DMD: variants seen among roughly 807,000 people sequenced by gnomAD.
DMD encodes mutant dystrophin.
A neutral mutation model predicts 330.1 loss-of-function variants in DMD; 63 were observed. The observed-to-expected ratio is 0.19, with a 90% CI of 0.16 to 0.24. The LOEUF (loss-of-function observed/expected upper bound fraction) is 0.24. Among genes scored for constraint, DMD ranks in the 10% least tolerant of loss-of-function variants. The pLI is 1.00. For synonymous variants in DMD, 1,223 were observed against 959.8 expected (o/e 1.27, Z -5.07); for missense variants, 3,344 against 2,684.1 (o/e 1.25, Z -5.43).
At chrX:31,773,829 T>A (rs2090494813) in intron 51 of DMD, 131 bp downstream of exon 51, 2 of 527,900 alleles carry the variant, frequency 3.8e-6, no homozygotes, top group Non-Finnish European at 6.5e-6. Flanking sequence ...ATAGTGAGAG[T>A]AATGTGTTTG....
intron 1 of DMD, among the ~76,000 whole-genome samples, chrX:33,138,307 G>A (rs889974587): frequency 1.8e-5 from 2 of 110,954 alleles, no homozygotes; most frequent in Non-Finnish European, 3.8e-5. Flanking sequence ...TTACCTATTC[G>A]ACAGGAAGAA....
intron 51 of DMD, among the ~76,000 whole-genome samples, chrX:31,754,995 C>T (rs988133596): frequency 1.8e-5 from 2 of 111,721 alleles, no homozygotes; most frequent in Non-Finnish European, 3.8e-5. Context: ...TTATTAATTA[C>T]ATATGTTTTT....
intron 17 of DMD, among the ~76,000 whole-genome samples, chrX:32,544,876 T>C (rs1179277965): frequency 9.0e-6 from 1 of 110,714 alleles, no homozygotes; most frequent in Non-Finnish European, 1.9e-5. Flanking sequence ...AAGAAACTTT[T>C]AGGATTAAAA....
intron 55 of DMD, among the ~76,000 whole-genome samples, chrX:31,589,912 CAAAT>C (rs1196723129): frequency 9.0e-6 from 1 of 110,782 alleles, no homozygotes; most frequent in Non-Finnish European, 1.9e-5. Flanking sequence ...ATAAATAAAA[CAAAT>C]AAACTCAATG....
At chrX:31,747,673 T>C (rs1390976715) in intron 51 of DMD, among the ~76,000 whole-genome samples, 3 of 111,533 alleles carry the variant, frequency 2.7e-5, no homozygotes, top group African/African-American at 9.8e-5. Flanking sequence ...GGAAACTTTA[T>C]GTACTGTTTG....
intron 26 of DMD, among the ~76,000 whole-genome samples, chrX:32,451,029 G>A (rs1189981406): frequency 1.8e-5 from 2 of 110,826 alleles, no homozygotes; most frequent in Non-Finnish European, 3.8e-5. Flanking sequence ...TCATAAAAAC[G>A]GTGGCTCTTG....
In DMD at chrX:32,558,938, C is replaced by CTTTTTTTTTTTTTTTT. The variant is rs60739281; in HGVS notation, c.1992+6748_1992+6763dup. On this transcript the variant is annotated intron_variant, in intron 16 of 78. Transcript: ENST00000357033. ...TATTTGAGATGTAACTTCAAATTTT[C>CTTTTTTTTTTTTTTTT]TTTTTTTTTTTTTTTTTTTTTTTTT... Among the ~76,000 whole-genome samples the CTTTTTTTTTTTTTTTT allele has an allele frequency of 2.6e-4, 13 of 50,826 alleles. 1 individual carries two copies. The highest frequency in any genetic ancestry group is 1.1e-3 in the African/African-American group (11 of 9,732). 44.1% of individuals were successfully genotyped at this position (50,826 alleles called of 115,157 possible).
At chrX:33,149,848 A>T (rs1429111342) in intron 1 of DMD, among the ~76,000 whole-genome samples, 1 of 111,611 alleles carries the variant, frequency 9.0e-6, no homozygotes, top group African/African-American at 3.3e-5. Context: ...CAGTTGACCC[A>T]CGCTCAAATT....
chrX:32,725,001 T>G (rs913339826), intron 7 of DMD, among the ~76,000 whole-genome samples: 3 of 111,675 alleles, frequency 2.7e-5, no homozygotes, highest in Non-Finnish European at 3.8e-5. Context: ...TAACACAGCC[T>G]CAAGTACAAC....
At chrX:32,007,226 A>C (rs2095668889) in intron 44 of DMD, among the ~76,000 whole-genome samples, 1 of 103,640 alleles carries the variant, frequency 9.6e-6, no homozygotes, top group Non-Finnish European at 2.0e-5. Context: ...TAATAATAAT[A>C]ATAATAATAA....
At chrX:31,482,535 G>C (rs915565558) in intron 57 of DMD, among the ~76,000 whole-genome samples, 1 of 110,384 alleles carries the variant, frequency 9.1e-6, no homozygotes, top group Non-Finnish European at 1.9e-5. Flanking sequence ...GAGAGGAAGA[G>C]GGTGACCAAG....
intron 59 of DMD, among the ~76,000 whole-genome samples, chrX:31,447,399 C>T (rs2065365831): frequency 1.9e-5 from 2 of 107,939 alleles, no homozygotes; most frequent in Non-Finnish European, 3.8e-5. Flanking sequence ...GGGAACCTCT[C>T]ACAGCCTCAA....
chrX:32,824,304 T>C (rs1405255131), intron 4 of DMD, among the ~76,000 whole-genome samples: 1 of 111,864 alleles, frequency 8.9e-6, no homozygotes, highest in Non-Finnish European at 1.9e-5. Flanking sequence ...AACCTGCACC[T>C]AAGTGTTCAT....
intron 21 of DMD, among the ~76,000 whole-genome samples, chrX:32,483,361 A>G (rs2042108633): frequency 9.4e-6 from 1 of 106,053 alleles, no homozygotes. Context: ...GAAAGATGAT[A>G]GGGATGGATG....
intron 1 of DMD, among the ~76,000 whole-genome samples, chrX:33,241,461 A>T (rs775003854): frequency 9.0e-6 from 1 of 111,101 alleles, no homozygotes; most frequent in Non-Finnish European, 1.9e-5. Flanking sequence ...ATAGCTTTGT[A>T]GTATATTTTG....
At chrX:32,447,881 C>T (rs1052205144) in intron 27 of DMD, among the ~76,000 whole-genome samples, 2 of 110,869 alleles carry the variant, frequency 1.8e-5, no homozygotes, top group African/African-American at 6.5e-5. Flanking sequence ...GACAGTAAGG[C>T]CCATCCATAA....
intron 44 of DMD, among the ~76,000 whole-genome samples, chrX:32,112,797 C>T (rs995017973): frequency 9.0e-6 from 1 of 111,475 alleles, no homozygotes; most frequent in African/African-American, 3.3e-5. Flanking sequence ...GCTTTCCTCA[C>T]CTGGCCAATT....
chrX:33,289,166 T>C, intron 1 of DMD, among the ~76,000 whole-genome samples: 1 of 111,470 alleles, frequency 9.0e-6, no homozygotes, highest in East Asian at 2.8e-4. Context: ...GAATTGCAAG[T>C]ATAAAGAAAA....
intron 44 of DMD, among the ~76,000 whole-genome samples, chrX:32,189,575 T>C (rs1371717993): frequency 9.0e-6 from 1 of 110,616 alleles, no homozygotes; most frequent in Admixed American, 9.7e-5. Context: ...AAAATGCAGA[T>C]TTCTCTTTAT....
Sources: allele counts gnomAD v4.1 joint callset (sites outside exome capture counted in the v4.1 genomes callset), GRCh38; gene constraint gnomAD v4.1.1; transcripts MANE v1.5; gene names NCBI Gene and HGNC (gene_info 2026-07-23, HGNC 2026-07-21).